Variants in RBFOX1 observed in about 807,000 individuals in gnomAD.
The protein encoded by RBFOX1 is RNA binding protein fox-1 homolog 1.
RBFOX1 carries 8 observed loss-of-function variants against 57.7 expected under a neutral mutation model. The ratio of observed to expected loss-of-function variants is 0.14; its 90% CI spans 0.08 to 0.25. The LOEUF is 0.25. Ranked by LOEUF, RBFOX1 falls within the 10% of genes least tolerant of loss-of-function variation. RBFOX1 has a pLI of 1.00. For synonymous variants in RBFOX1, 326 were observed against 222.4 expected, an observed-to-expected ratio of 1.47 and a Z score of -4.15; for missense variants, 611 against 548.5, an observed-to-expected ratio of 1.11 and a Z score of -1.14.
intron 2 of RBFOX1, among the ~76,000 whole-genome samples, chr16:6,362,170 C>G (rs1242365234): frequency 6.6e-6 from 1 of 151,982 alleles, no homozygotes; most frequent in Non-Finnish European, 1.5e-5. Flanking sequence ...AAGTCCTGCC[C>G]ACCCCACGCC....
At chr16:6,410,044 CT>C (rs1271863563) in intron 2 of RBFOX1, among the ~76,000 whole-genome samples, 1 of 152,122 alleles carries the variant, frequency 6.6e-6, no homozygotes, top group Non-Finnish European at 1.5e-5. Flanking sequence ...ACTAGGAGCC[CT>C]GCTTCTGGGA....
chr16:6,980,549 A>C (rs965012876), intron 3 of RBFOX1, among the ~76,000 whole-genome samples: 1 of 152,248 alleles, frequency 6.6e-6, no homozygotes, highest in Non-Finnish European at 1.5e-5. Context: ...CTAACATTTG[A>C]CATGAGAATC....
At chr16:6,899,082 A>C (rs1158419231) in intron 3 of RBFOX1, among the ~76,000 whole-genome samples, 2 of 115,234 alleles carry the variant, frequency 1.7e-5, no homozygotes, top group Admixed American at 7.8e-5. Flanking sequence ...ACACATGTAC[A>C]CGTGTATAAT....
chr16:5,853,153 G>A (rs9937330), intron 3 of RBFOX1, among the ~76,000 whole-genome samples: 7,249 of 152,072 alleles, frequency 0.048, 569 homozygotes, highest in African/African-American at 0.16. Context: ...CTGAATAGGG[G>A]CAGAGCAAGG....
chr16:6,011,088 C>G (rs1596399639), intron 4 of RBFOX1, among the ~76,000 whole-genome samples: 1 of 152,132 alleles, frequency 6.6e-6, no homozygotes, highest in African/African-American at 2.4e-5. Flanking sequence ...AATAAAAAGA[C>G]TAGGACTTAA....
In RBFOX1 at chr16:5,286,190, A is replaced by G. The variant is rs935628687; in HGVS notation, c.219+46085A>G. 4.6e-5 allele frequency among the ~76,000 whole-genome samples: 7 copies of G among 152,162 alleles called. 1 individual carries two copies. The highest frequency in any genetic ancestry group is 4.1e-4 in the South Asian group (2 of 4,824). Reference sequence around the variant, plus strand: ...ACCAGGTGTGTCAATACTAGGGACCATGGGCAGTGTATGTGGGCACTGATG... The same window carrying G: ...ACCAGGTGTGTCAATACTAGGGACCGTGGGCAGTGTATGTGGGCACTGATG... On this transcript the variant is annotated intron_variant, in intron 1 of 2. Transcript: ENST00000585867.
At chr16:7,477,414 G>A (rs759018955) in intron 4 of RBFOX1, among the ~76,000 whole-genome samples, 1 of 152,134 alleles carries the variant, frequency 6.6e-6, no homozygotes, top group Admixed American at 6.6e-5. Flanking sequence ...GGGGGGTCGG[G>A]GGGTGGTTGT....
chr16:6,823,950 G>A (rs2091748309), intron 3 of RBFOX1, among the ~76,000 whole-genome samples: 1 of 152,208 alleles, frequency 6.6e-6, no homozygotes, highest in Non-Finnish European at 1.5e-5. Context: ...TGTCCTGGAA[G>A]AGGTGGCATC....
At chr16:6,729,407 T>C (rs1014840800) in intron 3 of RBFOX1, among the ~76,000 whole-genome samples, 1 of 152,216 alleles carries the variant, frequency 6.6e-6, no homozygotes, top group African/African-American at 2.4e-5. Context: ...CCTTTTATCT[T>C]CTGCAGTCTT....
Position 6,575,038 on chromosome 16 carries a change from AATT to A in RBFOX1, c.-63-79563_-63-79561del, listed in dbSNP as rs1310864406. ...GGGGGACAGAGCGAGACTCCGTCTC[AATT>A]AAAAAAAAAAAAAAAAAAAAACAGC... On this transcript the variant is annotated intron_variant, in intron 2 of 15. Coordinates refer to ENST00000550418, the MANE Select transcript of RBFOX1 (RefSeq NM_018723.4). 1.3e-4 allele frequency among the ~76,000 whole-genome samples: 3 copies of A among 22,846 alleles called. No homozygotes were observed. In the East Asian group the frequency reaches 7.8e-3, roughly 59 times the overall value. The allele number at this position is 22,846 out of a possible 152,430, so 15.0% of individuals were successfully genotyped here.
rs565448535 is a variant in RBFOX1 at position 7,385,093 on chromosome 16, T to C, written c.28-133054T>C. On this transcript the variant is annotated intron_variant, in intron 4 of 15. Coordinates refer to ENST00000550418, the MANE Select transcript of RBFOX1 (RefSeq NM_018723.4). ...GAAAGATGAACAGATCCCTGGAAAA[T>C]AGAGAGAGGGGCACCAGAGAGGTCT... 4.6e-5 allele frequency among the ~76,000 whole-genome samples: 7 copies of C among 151,910 alleles called. No individual in the cohort carries two copies. The East Asian group carries it at 7.8e-4, about 17-fold the overall frequency.
At chr16:6,162,878 C>T (rs1237577098) in intron 1 of RBFOX1, among the ~76,000 whole-genome samples, 6 of 152,090 alleles carry the variant, frequency 3.9e-5, no homozygotes, top group Admixed American at 1.3e-4. Flanking sequence ...GGACTACAGG[C>T]GTGCACCACC....
chr16:7,132,880 A>G lies in RBFOX1; in HGVS notation c.27+80782A>G, dbSNP rs1795485584. 5.9e-5 allele frequency among the ~76,000 whole-genome samples: 9 copies of G among 152,232 alleles called. 1 individual carries two copies. The South Asian group carries it at 1.9e-3, about 32-fold the overall frequency. On this transcript the variant is annotated intron_variant, in intron 4 of 15. Transcript: ENST00000550418. ...AGAATGCTGCCACGTGGTGATAAAT[A>G]GGTCCCCTGACATATGTGCATAAAA...
intron 3 of RBFOX1, among the ~76,000 whole-genome samples, chr16:6,816,752 A>G (rs2090163914): frequency 6.6e-6 from 1 of 151,300 alleles, no homozygotes; most frequent in South Asian, 2.1e-4. Flanking sequence ...AAAAAAAAAA[A>G]AGGAAGAAAA....
chr16:5,677,894 C>T (rs1436224494), intron 3 of RBFOX1, among the ~76,000 whole-genome samples: 1 of 152,098 alleles, frequency 6.6e-6, no homozygotes, highest in African/African-American at 2.4e-5. Flanking sequence ...GTGAGGGAGG[C>T]AGGTCTTCAG....
chr16:6,913,335 T>G (rs190567983), intron 3 of RBFOX1, among the ~76,000 whole-genome samples: 1 of 152,250 alleles, frequency 6.6e-6, no homozygotes, highest in Admixed American at 6.5e-5. Flanking sequence ...ATAAGGAGAA[T>G]GGTCCCATTT....
chr16:7,443,122 G>A (rs535878953), intron 4 of RBFOX1, among the ~76,000 whole-genome samples: 83 of 152,254 alleles, frequency 5.5e-4, no homozygotes, highest in South Asian at 2.9e-3. Flanking sequence ...TGTGATTTTC[G>A]ATTCCTATGG....
intron 4 of RBFOX1, among the ~76,000 whole-genome samples, chr16:5,939,070 C>T (rs2059227955): frequency 6.6e-6 from 1 of 151,204 alleles, no homozygotes; most frequent in Admixed American, 6.6e-5. Flanking sequence ...GGGCAGGGAA[C>T]ATCACACACC....
intron 3 of RBFOX1, among the ~76,000 whole-genome samples, chr16:6,995,050 T>G (rs2092051210): frequency 6.6e-6 from 1 of 151,620 alleles, no homozygotes; most frequent in African/African-American, 2.4e-5. Context: ...GGCTGGCTAA[T>G]TATTGTGACT....
Sources: allele counts gnomAD v4.1 joint callset (sites outside exome capture counted in the v4.1 genomes callset), GRCh38; gene constraint gnomAD v4.1.1; transcripts MANE v1.5; gene names NCBI Gene and HGNC (gene_info 2026-07-23, HGNC 2026-07-21).